DLC1: variants seen among roughly 807,000 people sequenced by gnomAD.
DLC1 encodes the protein rho GTPase-activating protein 7.
A neutral mutation model predicts 140.3 loss-of-function variants in DLC1; 54 were observed. The ratio of observed to expected loss-of-function variants is 0.38; its 90% CI spans 0.31 to 0.48. DLC1 has a LOEUF of 0.48. Among genes scored for constraint, DLC1 ranks in the 20% least tolerant of loss-of-function variants. DLC1 has a pLI of 0.96. For missense variants in DLC1, 2,536 were observed against 1,907.0 expected (o/e 1.33, Z -6.14); for synonymous variants, 986 against 728.1 (o/e 1.35, Z -5.70).
At chr8:13,465,317 T>C (rs1799880668) in intron 2 of DLC1, among the ~76,000 whole-genome samples, 1 of 152,152 alleles carries the variant, frequency 6.6e-6, no homozygotes, top group Non-Finnish European at 1.5e-5. Flanking sequence ...TAAGAGATAA[T>C]GCCAAATTTT....
In DLC1 at chr8:13,499,354, G is replaced by A; in HGVS notation, c.718C>T (p.Pro240Ser). 1 of 1,613,888 alleles carries A rather than the reference G, an allele frequency of 6.2e-7. No individual in the cohort carries two copies. The highest frequency in any genetic ancestry group is 8.5e-7 in the Non-Finnish European group (1 of 1,179,998). ...CTTCTTTCATTTTCATCTTTAGGGG[G>A]GTCAGGTTTCCTTCGTTGCTGAGCA... ...VIAQQRRKPDPPKDENERSTC... is the reference protein window; with the variant it reads ...VIAQQRRKPDSPKDENERSTC... Residue 240 changes from proline to serine, a missense_variant, in exon 2 of 18, where the codon CCC becomes TCC. Pro to Ser is a moderately conservative substitution (Grantham distance 74). Transcript: ENST00000276297.
intron 5 of DLC1, among the ~76,000 whole-genome samples, chr8:13,138,297 G>C (rs1054851446): frequency 2.0e-5 from 3 of 152,182 alleles, no homozygotes; most frequent in African/African-American, 4.8e-5. Context: ...AGAGCTGAAA[G>C]ATTTTTTCCA....
intron 5 of DLC1, among the ~76,000 whole-genome samples, chr8:13,188,117 C>G (rs1292614797): frequency 8.1e-6 from 1 of 123,436 alleles, no homozygotes; most frequent in East Asian, 2.6e-4. Flanking sequence ...GAGTCTTGCT[C>G]TTGTTGCGCA....
At chr8:13,150,129 C>T (rs1823700959) in intron 5 of DLC1, among the ~76,000 whole-genome samples, 1 of 148,274 alleles carries the variant, frequency 6.7e-6, no homozygotes, top group Admixed American at 6.7e-5. Context: ...ATATGTTTCT[C>T]CAGCCCTCTT....
intron 5 of DLC1, among the ~76,000 whole-genome samples, chr8:13,159,760 G>A (rs1824535156): frequency 6.6e-6 from 1 of 151,874 alleles, no homozygotes; most frequent in Non-Finnish European, 1.5e-5. Context: ...GCTTGTTCCT[G>A]GGGATGTTCT....
intron 4 of DLC1, among the ~76,000 whole-genome samples, chr8:13,317,750 T>C (rs1330872865): frequency 6.6e-6 from 1 of 151,968 alleles, no homozygotes; most frequent in Non-Finnish European, 1.5e-5. Context: ...CTTAAGAGGA[T>C]TGCATTTTCA....
Position 13,479,982 on chromosome 8 carries a change from C to T in DLC1, c.1023+19067G>A, listed in dbSNP as rs1279060416. Among the ~76,000 whole-genome samples the T allele has an allele frequency of 1.4e-4, 21 of 147,422 alleles. No individual in the cohort carries two copies. The East Asian group carries it at 3.4e-3, about 24-fold the overall frequency. On this transcript the variant is annotated intron_variant, in intron 2 of 17. Coordinates refer to ENST00000276297, the MANE Select transcript of DLC1 (RefSeq NM_182643.3). ...TTCAGAGGCTGACGCATGAGGATCA[C>T]TTGGGCCCAGGAGGTGGGGGCTGCA... is the stretch of plus-strand genomic sequence containing the variant.
At chr8:13,378,761 GATTTA>G (rs1836112862) in intron 4 of DLC1, among the ~76,000 whole-genome samples, 1 of 151,996 alleles carries the variant, frequency 6.6e-6, no homozygotes, top group Admixed American at 6.6e-5. Context: ...TTAAAACTTT[GATTTA>G]ATTTAGTTCT....
rs62637611 is a variant in DLC1, at chr8:13,214,774, G to A, written c.1348+90495C>T. On this transcript the variant is annotated intron_variant, in intron 5 of 17. Coordinates refer to ENST00000276297, the MANE Select transcript of DLC1 (RefSeq NM_182643.3). ...CACTTCCAACTTTACTGATTTTACC[G>A]CTGCTGGGTTCCAGGGGAGGTAAAA... 1.2e-3 allele frequency: 947 copies of A among 780,712 alleles called. 6 individuals are homozygous for A. In the African/African-American group the frequency reaches 0.013, roughly 11 times the overall value. 48.4% of individuals were successfully genotyped at this position (780,712 alleles called of 1,614,324 possible).
chr8:13,192,311 T>A (rs1826804566), intron 5 of DLC1, among the ~76,000 whole-genome samples: 1 of 152,142 alleles, frequency 6.6e-6, no homozygotes, highest in South Asian at 2.1e-4. Flanking sequence ...TGCTGTGCAA[T>A]TTTGGGTGAT....
At chr8:13,145,808 G>C (rs991063770) in intron 5 of DLC1, among the ~76,000 whole-genome samples, 1 of 152,084 alleles carries the variant, frequency 6.6e-6, no homozygotes, top group African/African-American at 2.4e-5. Flanking sequence ...AAAATATGAA[G>C]GGAATATAAG....
At chr8:13,360,077 C>T (rs927563892) in intron 4 of DLC1, among the ~76,000 whole-genome samples, 7 of 152,084 alleles carry the variant, frequency 4.6e-5, no homozygotes, top group African/African-American at 1.7e-4. Flanking sequence ...TTTGCCTATC[C>T]CCACAGGAGA....
At chr8:13,101,602 G>T (rs1372911855) in intron 8 of DLC1, among the ~76,000 whole-genome samples, 1 of 152,132 alleles carries the variant, frequency 6.6e-6, no homozygotes, top group African/African-American at 2.4e-5. Flanking sequence ...TCATCAAGCA[G>T]ATTCAGTCCA....
At chr8:13,549,510 A>G (rs548085475) in intron 1 of DLC1, among the ~76,000 whole-genome samples, 2 of 152,278 alleles carry the variant, frequency 1.3e-5, no homozygotes, top group African/African-American at 4.8e-5. Context: ...GAAATACCCC[A>G]GTGAGATGAC....
At chr8:13,582,726 A>C (rs1368566853) in intron 1 of DLC1, among the ~76,000 whole-genome samples, 4 of 151,354 alleles carry the variant, frequency 2.6e-5, no homozygotes, top group African/African-American at 9.7e-5. Flanking sequence ...GTCCCTCTAG[A>C]GAACCCTGAC....
intron 5 of DLC1, among the ~76,000 whole-genome samples, chr8:13,235,084 T>C (rs1829218437): frequency 6.6e-6 from 1 of 152,100 alleles, no homozygotes. Flanking sequence ...GATTTTTGTA[T>C]TGTGATAGAG....
intron 5 of DLC1, among the ~76,000 whole-genome samples, chr8:13,137,601 T>TTC (rs1822666598): frequency 7.9e-6 from 1 of 126,792 alleles, no homozygotes; most frequent in Non-Finnish European, 1.7e-5. Flanking sequence ...GTTTTTGGTT[T>TTC]TGTTTTTTTT....
chr8:13,148,959 A>AT (rs1343822433), intron 5 of DLC1, among the ~76,000 whole-genome samples: 3 of 151,898 alleles, frequency 2.0e-5, no homozygotes, highest in Non-Finnish European at 4.4e-5. Context: ...CGCCCGGCTA[A>AT]TTTTTTGTAT....
At chr8:13,189,400 G>A (rs1826612705) in intron 5 of DLC1, among the ~76,000 whole-genome samples, 1 of 151,778 alleles carries the variant, frequency 6.6e-6, no homozygotes, top group East Asian at 1.9e-4. Context: ...ATCACTTAAG[G>A]CTGAGAGTTC....
Sources: allele counts gnomAD v4.1 joint callset (sites outside exome capture counted in the v4.1 genomes callset), GRCh38; gene constraint gnomAD v4.1.1; transcripts MANE v1.5; gene names NCBI Gene and HGNC (gene_info 2026-07-23, HGNC 2026-07-21).